Variants in RAD51B observed in about 807,000 individuals in gnomAD.
RAD51B encodes RAD51 paralog B.
In RAD51B, 38 loss-of-function variants were observed where a neutral mutation model predicts 42.2. That is an observed-to-expected ratio of 0.90 (90% CI 0.70 to 1.18). The LOEUF is 1.18. Ranked by LOEUF, RAD51B falls within the 50% of genes most tolerant of loss-of-function variation. The pLI, the probability that RAD51B is intolerant of heterozygous loss-of-function variation, is 0.00. For synonymous variants in RAD51B, 154 were observed against 145.2 expected (o/e 1.06, Z -0.43); for missense variants, 373 against 400.7 (o/e 0.93, Z 0.59).
intron 7 of RAD51B, among the ~76,000 whole-genome samples, chr14:68,254,476 T>TAA (rs2080709260): frequency 6.6e-6 from 1 of 152,240 alleles, no homozygotes; most frequent in African/African-American, 2.4e-5. Context: ...TAGTATTAGC[T>TAA]GTTCCTGGGA....
intron 7 of RAD51B, among the ~76,000 whole-genome samples, chr14:68,155,687 A>G (rs527605942): frequency 6.6e-6 from 1 of 152,296 alleles, no homozygotes; most frequent in Admixed American, 6.5e-5. Context: ...CTAGATTGCG[A>G]TAGGGTAGTT....
intron 7 of RAD51B, among the ~76,000 whole-genome samples, chr14:67,954,584 T>G (rs1389500270): frequency 6.6e-6 from 1 of 152,172 alleles, no homozygotes; most frequent in African/African-American, 2.4e-5. Context: ...AAGAAGATAG[T>G]TTTAATACTA....
chr14:68,282,926 G>A (rs1335622075), intron 7 of RAD51B, among the ~76,000 whole-genome samples: 1 of 152,140 alleles, frequency 6.6e-6, no homozygotes, highest in African/African-American at 2.4e-5. Context: ...CTTCAACTCC[G>A]CTCTACTATA....
Position 68,624,899 on chromosome 14 carries a change from C to T in RAD51B, c.1037-25882C>T, listed in dbSNP as rs539566631. Among the ~76,000 whole-genome samples the T allele has an allele frequency of 2.3e-3, 357 of 152,272 alleles. 2 individuals carry two copies. The highest frequency in any genetic ancestry group is 2.2e-3 in the Non-Finnish European group (153 of 68,024). On this transcript the variant is annotated intron_variant, in intron 10 of 11. Coordinates refer to the RAD51B transcript ENST00000488612. ...CTCGTGGGAGTACATAGGATAGGAG[C>T]CGGTGGTTCCGAAGCGCCTGCAGGT...
intron 7 of RAD51B, among the ~76,000 whole-genome samples, chr14:68,193,071 TTTC>T (rs1312930964): frequency 1.3e-5 from 2 of 152,104 alleles, no homozygotes; most frequent in East Asian, 3.8e-4. Flanking sequence ...CAGGTAAACT[TTTC>T]TTCTTCACTT....
intron 10 of RAD51B, among the ~76,000 whole-genome samples, chr14:68,515,886 T>C (rs2842340): frequency 0.98 from 147,743 of 151,150 alleles, 72,313 homozygotes; most frequent in East Asian, 1. Context: ...CCCAGGTTCA[T>C]GCCATTCTCC....
At position 68,285,054 on chromosome 14, in the gene RAD51B, C is replaced by T. The variant is rs11848224; in HGVS notation, c.757-6830C>T. Among the ~76,000 whole-genome samples the T allele has an allele frequency of 1.6e-3, 251 of 152,266 alleles. 1 individual carries two copies. Among genetic ancestry groups the T allele is most frequent in the African/African-American group, 5.8e-3 (239 of 41,536 alleles). On this transcript the variant is annotated intron_variant, in intron 7 of 10. Transcript: ENST00000471583. ...GTCTCCTTCTCACCTCCAGCTCCTA[C>T]CACAGCAGACAGGTTGGGGCAGACA...
At chr14:68,027,529 A>G (rs1443533317) in intron 7 of RAD51B, among the ~76,000 whole-genome samples, 3 of 151,872 alleles carry the variant, frequency 2.0e-5, no homozygotes, top group African/African-American at 7.3e-5. Flanking sequence ...TATTTTGTTC[A>G]TTTTTTAAAA....
At chr14:68,654,533 C>G (rs778041810) in intron 11 of RAD51B, among the ~76,000 whole-genome samples, 14 of 152,156 alleles carry the variant, frequency 9.2e-5, no homozygotes, top group Non-Finnish European at 1.8e-4. Context: ...CTCAGTTTCT[C>G]CATTTGTGAT....
chr14:67,917,520 T>C (rs1201904851), intron 7 of RAD51B, among the ~76,000 whole-genome samples: 2 of 152,204 alleles, frequency 1.3e-5, no homozygotes, highest in Non-Finnish European at 2.9e-5. Context: ...TTAGGCCCCA[T>C]TTCCCATGTT....
intron 9 of RAD51B, among the ~76,000 whole-genome samples, chr14:68,454,484 C>T (rs1435300746): frequency 1.3e-5 from 2 of 152,210 alleles, no homozygotes; most frequent in Non-Finnish European, 2.9e-5. Context: ...TTAACTTGCC[C>T]TAATTCCATT....
At chr14:68,280,560 AC>A (rs1291394971) in intron 7 of RAD51B, among the ~76,000 whole-genome samples, 1 of 152,144 alleles carries the variant, frequency 6.6e-6, no homozygotes, top group Non-Finnish European at 1.5e-5. Flanking sequence ...AGCCAACACA[AC>A]TCAAGCAATT....
chr14:68,648,674 A>C (rs970549563), intron 10 of RAD51B, among the ~76,000 whole-genome samples: 4 of 143,708 alleles, frequency 2.8e-5, no homozygotes, highest in Non-Finnish European at 4.5e-5. Flanking sequence ...AAAGCACACA[A>C]ACACACACAC....
At chr14:68,562,789 C>G in intron 10 of RAD51B, 5 of 985,350 alleles carry the variant, frequency 5.1e-6, no homozygotes, top group Non-Finnish European at 6.0e-6. Flanking sequence ...GATACCCATC[C>G]AGGGTATGGT....
intron 7 of RAD51B, among the ~76,000 whole-genome samples, chr14:68,036,073 C>T (rs1237884087): frequency 6.6e-6 from 1 of 152,184 alleles, no homozygotes; most frequent in Admixed American, 6.5e-5. Context: ...ATCTTGACCA[C>T]CACTGGTCTT....
intron 11 of RAD51B, among the ~76,000 whole-genome samples, chr14:68,678,969 C>G (rs1399428600): frequency 1.3e-5 from 2 of 152,126 alleles, no homozygotes; most frequent in Non-Finnish European, 2.9e-5. Flanking sequence ...CCACCTCTTC[C>G]CTTCTCCCTT....
chr14:68,388,939 C>G (rs1384076294), intron 8 of RAD51B, among the ~76,000 whole-genome samples: 2 of 152,114 alleles, frequency 1.3e-5, no homozygotes, highest in African/African-American at 4.8e-5. Context: ...AAGTCGGGAG[C>G]CTTCAATGAT....
chr14:67,825,458 C>T lies in RAD51B; in HGVS notation c.85-6C>T. 6.3e-7 allele frequency: 1 copy of T among 1,591,274 alleles called. No individual in the cohort carries two copies. The highest frequency in any genetic ancestry group is 8.6e-7 in the Non-Finnish European group (1 of 1,162,978). ...TGTTTAAAATACTCTCTTTATGTTT[C>T]TTTAGGACTTTTTATGTCTTTCCCC... is the stretch of plus-strand genomic sequence containing the variant. On this transcript the variant is annotated splice_region_variant and splice_polypyrimidine_tract_variant and intron_variant, in intron 2 of 10. Coordinates refer to ENST00000471583, the MANE Select transcript of RAD51B (RefSeq NM_133510.4).
chr14:68,286,835 A>T (rs1009203134), intron 7 of RAD51B, among the ~76,000 whole-genome samples: 3 of 152,258 alleles, frequency 2.0e-5, no homozygotes, highest in African/African-American at 7.2e-5. Context: ...GAGGGTCTGC[A>T]TTGGGCACAT....
Sources: allele counts gnomAD v4.1 joint callset (sites outside exome capture counted in the v4.1 genomes callset), GRCh38; gene constraint gnomAD v4.1.1; transcripts MANE v1.5; gene names NCBI Gene and HGNC (gene_info 2026-07-23, HGNC 2026-07-21).